Variants in IFT172 observed in about 807,000 individuals in gnomAD.
The protein encoded by IFT172 is intraflagellar transport protein 172 homolog.
In IFT172, 164 loss-of-function variants were observed where a neutral mutation model predicts 248.9. The observed-to-expected ratio is 0.66, with a 90% CI of 0.58 to 0.75. The LOEUF (loss-of-function observed/expected upper bound fraction) is 0.75, where lower values mean the gene tolerates loss of function less well. Among genes scored for constraint, IFT172 ranks in the 30% least tolerant of loss-of-function variants. IFT172 has a pLI of 0.00. For missense variants in IFT172, 1,950 were observed against 2,192.4 expected (o/e 0.89, Z 2.21); for synonymous variants, 729 against 791.6 (o/e 0.92, Z 1.33).
At chr2:27,466,127 CT>C in intron 16 of IFT172, 3 of 523,866 alleles carry the variant, frequency 5.7e-6, no homozygotes, top group Non-Finnish European at 6.8e-6. Flanking sequence ...GCATTCACTT[CT>C]GCTTCCAGCA....
chr2:27,455,185 G>T, intron 30 of IFT172: 1 of 321,426 alleles, frequency 3.1e-6, no homozygotes, highest in Non-Finnish European at 5.9e-6. Context: ...TGGCTGATGT[G>T]CTCAAGAGCA....
chr2:27,454,400 C>CA lies in IFT172; in HGVS notation c.3483dup (p.Glu1162Ter). On this transcript the variant is annotated frameshift_variant, in exon 32 of 48. Coordinates refer to ENST00000260570, the MANE Select transcript of IFT172 (RefSeq NM_015662.3). LOFTEE classifies it high-confidence loss of function. This position sits in a 1 kb window ranked among gnomAD's most constrained non-coding sequence, Gnocchi z 4.2. ...TTACCAGCTCTGATGAATTCAGCTT[C>CA]AGCCTCTTCGAATTTACCCTACAGG... The CA allele has an allele frequency of 6.2e-7, 1 of 1,614,216 alleles. No homozygotes were observed. The highest frequency in any genetic ancestry group is 2.2e-5 in the East Asian group (1 of 44,882).
intron 16 of IFT172, among the ~76,000 whole-genome samples, chr2:27,466,889 G>T (rs1362888069): frequency 1.2e-4 from 18 of 152,042 alleles, no homozygotes. Flanking sequence ...GGTTGCATGT[G>T]CCTGTAGTCC....
At chr2:27,455,131 T>C (rs1332088822) in intron 30 of IFT172, 2 of 261,900 alleles carry the variant, frequency 7.6e-6, no homozygotes, top group South Asian at 4.0e-5. Context: ...CTTTGCTCTT[T>C]TGGCTATCTT....
intron 35 of IFT172, among the ~76,000 whole-genome samples, chr2:27,450,353 T>C (rs539437651): frequency 5.5e-4 from 84 of 152,314 alleles, no homozygotes; most frequent in African/African-American, 2.0e-3. Flanking sequence ...TCACTGCATT[T>C]GAAACTTCCG....
chr2:27,456,516 G>A lies in IFT172; in HGVS notation c.3366C>T (p.Asp1122=), dbSNP rs1389894777. 6.2e-7 allele frequency: 1 copy of A among 1,613,282 alleles called. No individual in the cohort carries two copies. Among genetic ancestry groups the A allele is most frequent in the Admixed American group, 1.7e-5 (1 of 59,938 alleles). ...LLEAAVDHAA[D]NCSFEFAFEL... ...GAGAAAGCTTGGGGCCTCACCAATTGTCTGCAGCGTGGTCAACAGCAGCTT... is the reference window on the plus strand; with the variant it reads ...GAGAAAGCTTGGGGCCTCACCAATTATCTGCAGCGTGGTCAACAGCAGCTT... The change falls in exon 30 of 48, where the codon GAC becomes GAT. Residue 1122 remains aspartate (D), a synonymous_variant. Transcript: ENST00000260570.
intron 30 of IFT172, chr2:27,455,122 T>C (rs1039009493): frequency 3.8e-6 from 1 of 263,368 alleles, no homozygotes; most frequent in Non-Finnish European, 7.4e-6. Flanking sequence ...TTGAGAACAC[T>C]TTGCTCTTTT....
intron 1 of IFT172, among the ~76,000 whole-genome samples, chr2:27,486,961 T>G (rs75781055): frequency 1.5e-4 from 23 of 152,112 alleles, no homozygotes; most frequent in Non-Finnish European, 2.8e-4. Context: ...TTTTTTTTTT[T>G]TGACGGAGTC....
At chr2:27,461,550 A>G (rs765518273) in intron 21 of IFT172, 33 bp from the exon 22 acceptor site, 5 of 1,608,124 alleles carry the variant, frequency 3.1e-6, no homozygotes, top group Non-Finnish European at 4.3e-6. Flanking sequence ...TAGGAGTCAC[A>G]TCCCCCTTCC....
At chr2:27,481,421 A>G (rs1461020864) in intron 7 of IFT172, among the ~76,000 whole-genome samples, 161 bp from the exon 8 acceptor site, 1 of 148,772 alleles carries the variant, frequency 6.7e-6, no homozygotes, top group Non-Finnish European at 1.5e-5. Flanking sequence ...CTCTTCACAA[A>G]TTGTCACACA....
intron 1 of IFT172, among the ~76,000 whole-genome samples, chr2:27,489,334 T>TC (rs1668996172): frequency 6.6e-6 from 1 of 152,170 alleles, no homozygotes; most frequent in Non-Finnish European, 1.5e-5. Flanking sequence ...AATACGAGCC[T>TC]CCTGAAGGGA....
rs373909271 is a variant in IFT172 at position 27,453,413 on chromosome 2, T to C, written c.3922A>G (p.Ser1308Gly). Residue 1308 changes from serine to glycine, a missense_variant, in exon 35 of 48, where the codon AGC (serine) becomes GGC (glycine). By Grantham distance (56) the Ser-to-Gly change is moderately conservative. Coordinates refer to ENST00000260570, the MANE Select transcript of IFT172 (RefSeq NM_015662.3). Reference sequence around the variant, plus strand: ...ATCCAGCACTTCTCCGCCAGGCCGCTGTTTCCAGAGTCTCGCACTTTGAGG... The same window carrying C: ...ATCCAGCACTTCTCCGCCAGGCCGCCGTTTCCAGAGTCTCGCACTTTGAGG... Reference protein sequence around the residue: ...CYLKVRDSGNSGLAEKCWMKA... With the variant: ...CYLKVRDSGNGGLAEKCWMKA... 1.2e-6 allele frequency: 2 copies of C among 1,614,228 alleles called. No homozygotes were observed. Among genetic ancestry groups the C allele is most frequent in the Non-Finnish European group, 8.5e-7 (1 of 1,180,032 alleles).
intron 7 of IFT172, among the ~76,000 whole-genome samples, chr2:27,483,048 G>A (rs969547016): frequency 2.7e-5 from 4 of 146,294 alleles, no homozygotes; most frequent in Admixed American, 7.1e-5. Flanking sequence ...TGTCACCCAG[G>A]CTGTAGTGCA....
At chr2:27,477,863 C>T in intron 11 of IFT172, 132 bp downstream of exon 11, 1 of 1,172,540 alleles carries the variant, frequency 8.5e-7, no homozygotes, top group Non-Finnish European at 1.2e-6. Flanking sequence ...GGTCTCCTTC[C>T]CTGAAACCAG....
At chr2:27,485,998 T>C (rs1558419390) in intron 1 of IFT172, among the ~76,000 whole-genome samples, 1 of 152,224 alleles carries the variant, frequency 6.6e-6, no homozygotes, top group Non-Finnish European at 1.5e-5. Flanking sequence ...CTACAATAGT[T>C]TGGAGAAGCC....
In IFT172 at chr2:27,459,498, G is replaced by A. The variant is rs753125303; in HGVS notation, c.2667C>T (p.Ala889=). 1.8e-5 allele frequency: 29 copies of A among 1,613,998 alleles called. No homozygotes were observed. The highest frequency in any genetic ancestry group is 3.3e-5 in the Admixed American group (2 of 60,000). The change falls in exon 25 of 48, where the codon GCC becomes GCT. Residue 889 remains alanine, a synonymous_variant. Coordinates refer to ENST00000260570, the MANE Select transcript of IFT172 (RefSeq NM_015662.3). ...TCTTCCACTGGCGGGCACCCAGGGCGGCCTCAATTGCCTTAATGGAGCACC... is the reference window on the plus strand; with the variant it reads ...TCTTCCACTGGCGGGCACCCAGGGCAGCCTCAATTGCCTTAATGGAGCACC... ...EARCSIKAIE[A]ALGARQWKKA...
rs1049234418 is a variant in IFT172 at position 27,459,010 on chromosome 2, G to C, written c.2788-142C>G. ...TAATAGAGAAGAAAAGATGAGTATG[G>C]GTGTCTCATACATTCTACCATTTAA... On this transcript the variant is annotated intron_variant, in intron 25 of 47. Transcript: ENST00000260570. The C allele has an allele frequency of 6.3e-6, 5 of 792,558 alleles. No homozygotes were observed. The African/African-American group carries it at 8.7e-5, about 14-fold the overall frequency. 49.1% of individuals were successfully genotyped at this position (792,558 alleles called of 1,614,324 possible).
At chr2:27,450,246 G>T in intron 35 of IFT172, 150 bp from the exon 36 acceptor site, 2 of 605,374 alleles carry the variant, frequency 3.3e-6, no homozygotes, top group South Asian at 4.0e-5. Context: ...GGCAAAACCT[G>T]GCTCATGGTC....
intron 25 of IFT172, 120 bp from the exon 26 acceptor site, chr2:27,458,988 T>C (rs1013039530): frequency 1.4e-5 from 14 of 996,028 alleles, no homozygotes; most frequent in East Asian, 5.0e-5. Flanking sequence ...CTTGTAATAA[T>C]AGAGAAGAAA....
Sources: allele counts gnomAD v4.1 joint callset (sites outside exome capture counted in the v4.1 genomes callset), GRCh38; gene constraint gnomAD v4.1.1; non-coding constraint Gnocchi (gnomAD v3.1); transcripts MANE v1.5; gene names NCBI Gene and HGNC (gene_info 2026-07-23, HGNC 2026-07-21).